Variants in STARD8 observed in about 807,000 individuals in gnomAD.
The protein encoded by STARD8 is StAR related lipid transfer domain containing 8, also known as stAR-related lipid transfer protein 8.
In STARD8, 25 loss-of-function variants were observed where a neutral mutation model predicts 69.4. The ratio of observed to expected loss-of-function variants is 0.36; its 90% confidence interval spans 0.26 to 0.50. The LOEUF is 0.50. Ranked by LOEUF, STARD8 falls within the 20% of genes least tolerant of loss-of-function variation. STARD8 has a pLI of 0.96. For missense variants in STARD8, 921 were observed against 932.5 expected, an observed-to-expected ratio of 0.99 and a Z score of 0.16; for synonymous variants, 389 against 374.6, an observed-to-expected ratio of 1.04 and a Z score of -0.45.
intron 2 of STARD8, among the ~76,000 whole-genome samples, chrX:68,672,083 A>G (rs1249025603): frequency 9.0e-6 from 1 of 111,530 alleles, no homozygotes; most frequent in Non-Finnish European, 1.9e-5. Flanking sequence ...TACATGCCCA[A>G]CTTGAGCTTT....
chrX:68,655,530 A>G (rs1294998564), intron 1 of STARD8, among the ~76,000 whole-genome samples: 1 of 111,974 alleles, frequency 8.9e-6, no homozygotes, highest in African/African-American at 3.2e-5. Flanking sequence ...ATTGTCCCTG[A>G]CATGGTTAAT....
intron 1 of STARD8, among the ~76,000 whole-genome samples, chrX:68,652,856 AC>A (rs1440121040): frequency 5.0e-4 from 7 of 14,082 alleles, no homozygotes; most frequent in Non-Finnish European, 8.6e-4. Context: ...CACACACCAC[AC>A]CACACACACA....
chrX:68,715,314 A>G lies in STARD8; in HGVS notation c.172A>G (p.Ile58Val). ...TACAGAAGGTTCGTTTCCCCTGGAT[A>G]TTGGCTCTGTGAAGAAAAACCACGG... ...LFEEGSFPLD[I>V]GSVKKNHGFL... The change falls in exon 4 of 15, where the codon ATT (isoleucine) becomes GTT (valine). Residue 58 changes from isoleucine to valine, a missense_variant. Transcript: ENST00000374599. 1 of 1,208,034 alleles carries G rather than the reference A, an allele frequency of 8.3e-7. No individual in the cohort carries two copies. Among genetic ancestry groups the G allele is most frequent in the Non-Finnish European group, 1.1e-6 (1 of 893,765 alleles).
chrX:68,691,187 C>T (rs2079874386), intron 2 of STARD8, among the ~76,000 whole-genome samples: 1 of 111,908 alleles, frequency 8.9e-6, no homozygotes, highest in African/African-American at 3.3e-5. Flanking sequence ...CCTTGGCCTG[C>T]TTCAAGCACT....
chrX:68,724,163 A>AC (rs1332889491), intron 14 of STARD8, 42 bp downstream of exon 14: 9 of 1,186,411 alleles, frequency 7.6e-6, no homozygotes, highest in East Asian at 3.0e-5. Context: ...CTTGGCCTTG[A>AC]CCCCCTCCCC....
intron 2 of STARD8, among the ~76,000 whole-genome samples, chrX:68,678,907 G>A (rs1344912701): frequency 8.9e-6 from 1 of 112,269 alleles, no homozygotes; most frequent in Non-Finnish European, 1.9e-5. Context: ...TCCCCATTTT[G>A]CCCCTCATTA....
chrX:68,686,913 A>G lies in STARD8; in HGVS notation c.79+21381A>G, dbSNP rs963315103. Among the ~76,000 whole-genome samples the G allele has an allele frequency of 3.6e-5, 4 of 110,909 alleles. No homozygotes were observed. The East Asian group carries it at 1.2e-3, about 32-fold the overall frequency. ...ACCACTTTGGTTACTAACACGTGGTAGGCGTTCAGTAAACAGTATGTCCCT... is the reference window on the plus strand; with the variant it reads ...ACCACTTTGGTTACTAACACGTGGTGGGCGTTCAGTAAACAGTATGTCCCT... On this transcript the variant is annotated intron_variant, in intron 2 of 14. Transcript: ENST00000374599.
In STARD8 at chrX:68,661,970, CTCTTTCTTTCTTTCTTTCTTTCTT is replaced by C. The variant is rs1169605331; in HGVS notation, c.46-3495_46-3472del. Reference sequence around the variant, plus strand: ...CCTCTCTCTCTCTCTCTCTCTCTCTCTCTTTCTTTCTTTCTTTCTTTCTTTCTTTCTTTCTTTCTTTCTTTCTTT... The same window carrying C: ...CCTCTCTCTCTCTCTCTCTCTCTCTCTCTTTCTTTCTTTCTTTCTTTCTTT... On this transcript the variant is annotated intron_variant, in intron 1 of 14. Transcript: ENST00000374599. 1.6e-3 allele frequency among the ~76,000 whole-genome samples: 90 copies of C among 56,001 alleles called. 1 individual carries two copies. The highest frequency in any genetic ancestry group is 7.6e-3 in the African/African-American group (84 of 11,017). The allele number at this position is 56,001 out of a possible 115,157, so 48.6% of individuals were successfully genotyped here. A position where few individuals can be genotyped will look rare whatever the true frequency, so the allele number is the denominator to read the frequency against.
chrX:68,693,738 C>T (rs978554686), intron 2 of STARD8: 11 of 753,943 alleles, frequency 1.5e-5, no homozygotes, highest in African/African-American at 2.3e-5. Context: ...CCGCGTGTGT[C>T]CCGGACGGAG....
intron 2 of STARD8, chrX:68,693,876 TG>T (rs1765158235): frequency 1.4e-6 from 1 of 716,859 alleles, no homozygotes; most frequent in East Asian, 1.5e-4. Context: ...CGGGGGCGCC[TG>T]GGGCTCCCTC....
rs1187742928 is a variant in STARD8 at position 68,725,578 on chromosome X, A to ATATATATATGTG, written c.*1157_*1158insATATATATGTGT. The ATATATATATGTG allele has an allele frequency of 2.1e-5, 2 of 94,950 alleles. No individual in the cohort carries two copies. Among genetic ancestry groups the ATATATATATGTG allele is most frequent in the African/African-American group, 8.8e-5 (2 of 22,743 alleles). 7.8% of individuals were successfully genotyped at this position (94,950 alleles called of 1,213,427 possible). ...CTAATATATATATATATATATATAT[A>ATATATATATGTG]TGTGTGTGTGTGTGTGTGTGTATAT... On this transcript the variant is annotated 3_prime_UTR_variant, in exon 15 of 15. Coordinates refer to ENST00000374599, the MANE Select transcript of STARD8 (RefSeq NM_001142503.3).
At chrX:68,660,929 G>A (rs1168988398) in intron 1 of STARD8, among the ~76,000 whole-genome samples, 3 of 112,153 alleles carry the variant, frequency 2.7e-5, no homozygotes, top group Admixed American at 9.4e-5. Flanking sequence ...GGGCCAAGCT[G>A]TGAATAGGGC....
intron 2 of STARD8, among the ~76,000 whole-genome samples, chrX:68,678,211 T>A (rs1443484964): frequency 9.0e-6 from 1 of 111,037 alleles, no homozygotes; most frequent in Non-Finnish European, 1.9e-5. Context: ...GGAGGATCAA[T>A]CAGGAGAAAC....
Position 68,682,653 on chromosome X carries a change from C to T in STARD8, c.79+17121C>T, listed in dbSNP as rs187640016. ...AGTACCTACAGGGTTTCTGTAAGGA[C>T]TTTATGAGTTAAAATGTGCAAAGAG... On this transcript the variant is annotated intron_variant, in intron 2 of 14. Coordinates refer to ENST00000374599, the MANE Select transcript of STARD8 (RefSeq NM_001142503.3). Among the ~76,000 whole-genome samples the T allele has an allele frequency of 2.2e-3, 246 of 112,573 alleles. 1 individual carries two copies. The highest frequency in any genetic ancestry group is 7.5e-3 in the African/African-American group (234 of 31,016).
At chrX:68,670,914 C>T (rs1163393437) in intron 2 of STARD8, among the ~76,000 whole-genome samples, 3 of 111,160 alleles carry the variant, frequency 2.7e-5, no homozygotes, top group Non-Finnish European at 3.8e-5. Context: ...CTTCCTAAAT[C>T]TACCGCCTTT....
Position 68,648,060 on chromosome X carries a change from G to C in STARD8, c.45+133G>C. ...TACCTGAGGCTCTCGGAGTTAGAAA[G>C]GCTTGGGTTCAAGTCTCACCTTTGT... On this transcript the variant is annotated intron_variant, in intron 1 of 14. Coordinates refer to ENST00000374599, the MANE Select transcript of STARD8 (RefSeq NM_001142503.3). The C allele has an allele frequency of 9.8e-6, 8 of 812,289 alleles. No homozygotes were observed. In the South Asian group the frequency reaches 2.1e-4, roughly 21 times the overall value. 66.9% of individuals were successfully genotyped at this position (812,289 alleles called of 1,213,427 possible).
rs778105117 is a variant in STARD8, at chrX:68,665,550, G to A, written c.79+18G>A. 1.7e-6 allele frequency: 2 copies of A among 1,204,951 alleles called. No individual in the cohort carries two copies. Among genetic ancestry groups the A allele is most frequent in the East Asian group, 3.0e-5 (1 of 33,738 alleles). Reference sequence around the variant, plus strand: ...GAACGCTGGTAAGTACACGAGGTGGGCATTGCAAGTGGCATACAAAGAGAC... The same window carrying A: ...GAACGCTGGTAAGTACACGAGGTGGACATTGCAAGTGGCATACAAAGAGAC... On this transcript the variant is annotated intron_variant, in intron 2 of 14. Coordinates refer to ENST00000374599, the MANE Select transcript of STARD8 (RefSeq NM_001142503.3).
At chrX:68,716,067 G>A (rs1387346389) in intron 4 of STARD8, among the ~76,000 whole-genome samples, 1 of 111,574 alleles carries the variant, frequency 9.0e-6, no homozygotes, top group Non-Finnish European at 1.9e-5. Context: ...TTCTCTGACT[G>A]CATCCCTCCT....
rs762045471 is a variant in STARD8 at position 68,665,543 on chromosome X, G to A, written c.79+11G>A. ...TGAAGAAGAACGCTGGTAAGTACAC[G>A]AGGTGGGCATTGCAAGTGGCATACA... On this transcript the variant is annotated intron_variant, in intron 2 of 14. Transcript: ENST00000374599. 5 of 1,206,594 alleles carry A rather than the reference G, an allele frequency of 4.1e-6. No homozygotes were observed. Among genetic ancestry groups the A allele is most frequent in the Non-Finnish European group, 5.6e-6 (5 of 892,694 alleles).
Sources: allele counts gnomAD v4.1 joint callset (sites outside exome capture counted in the v4.1 genomes callset), GRCh38; gene constraint gnomAD v4.1.1; transcripts MANE v1.5; gene names NCBI Gene and HGNC (gene_info 2026-07-23, HGNC 2026-07-21).